SPDYE3: variants seen among roughly 807,000 people sequenced by gnomAD.
The protein encoded by SPDYE3 is speedy/RINGO cell cycle regulator family member E3.
In SPDYE3, 15 loss-of-function variants were observed where a neutral mutation model predicts 55.0. The ratio of observed to expected loss-of-function variants is 0.27; its 90% CI spans 0.18 to 0.42. The LOEUF (loss-of-function observed/expected upper bound fraction) is 0.42, where lower values mean the gene tolerates loss of function less well. Ranked by LOEUF, SPDYE3 falls within the 10% of genes least tolerant of loss-of-function variation. SPDYE3 has a pLI of 1.00. For synonymous variants in SPDYE3, 89 were observed against 229.9 expected (o/e 0.39, Z 5.55); for missense variants, 236 against 576.7 (o/e 0.41, Z 6.05).
intron 1 of SPDYE3, among the ~76,000 whole-genome samples, chr7:100,308,664 G>A (rs1463938360): frequency 1.3e-5 from 2 of 151,454 alleles, no homozygotes; most frequent in Admixed American, 6.6e-5. Flanking sequence ...AGCTGAGATT[G>A]TACCACTACA....
chr7:100,319,533 C>T, intron 8 of SPDYE3, 32 bp from the exon 9 acceptor site: 3 of 1,613,836 alleles, frequency 1.9e-6, no homozygotes, highest in Middle Eastern at 1.7e-4. Context: ...CCTGGTGGTG[C>T]CCCTGAGCAG....
At position 100,320,834 on chromosome 7, in the gene SPDYE3, C is replaced by T; in HGVS notation, c.*46-57C>T. 3 of 1,144,658 alleles carry T rather than the reference C, an allele frequency of 2.6e-6. No homozygotes were observed. In the Admixed American group the frequency reaches 8.2e-5, roughly 31 times the overall value. The allele number at this position is 1,144,658 out of a possible 1,614,324, so 70.9% of individuals were successfully genotyped here. A position where few individuals can be genotyped will look rare whatever the true frequency, so the allele number is the denominator to read the frequency against. ...TAGACTTGACATGGGACGTGAATAA[C>T]CTTCCTGTCTAGAGAGCTGTCTCCT... On this transcript the variant is annotated intron_variant, in intron 10 of 10. Transcript: ENST00000332397.
chr7:100,311,754 TG>T lies in SPDYE3; in HGVS notation c.553del (p.Val185Ter). On this transcript the variant is annotated frameshift_variant, in exon 4 of 11. Transcript: ENST00000332397. LOFTEE classifies it high-confidence loss of function. ...YEAFNRLLAP[G>X]VDPSPPRRSL... Reference sequence around the variant, plus strand: ...TGGCCTGGTTTCTTTACTCAGCCCCTGGGGTAGATCCCAGCCCCCCACGTAG... The same window carrying T: ...TGGCCTGGTTTCTTTACTCAGCCCCTGGGTAGATCCCAGCCCCCCACGTAG... 7.8e-7 allele frequency: 1 copy of T among 1,277,704 alleles called. No homozygotes were observed. The highest frequency in any genetic ancestry group is 1.1e-6 in the Non-Finnish European group (1 of 925,612). The allele number at this position is 1,277,704 out of a possible 1,614,324, so 79.1% of individuals were successfully genotyped here.
chr7:100,307,825 G>A lies in SPDYE3; in HGVS notation c.-61G>A. The A allele has an allele frequency of 3.3e-6, 5 of 1,529,062 alleles. No homozygotes were observed. Among genetic ancestry groups the A allele is most frequent in the Non-Finnish European group, 4.4e-6 (5 of 1,142,546 alleles). 94.7% of individuals were successfully genotyped at this position (1,529,062 alleles called of 1,614,324 possible). On this transcript the variant is annotated 5_prime_UTR_variant, in exon 1 of 11. Coordinates refer to ENST00000332397, the MANE Select transcript of SPDYE3 (RefSeq NM_001004351.5). ...TTCTGGATCCCAGCAGTGTCCAGAA[G>A]AAGACCAAGGACAGAACAGAGACTA...
intron 7 of SPDYE3, 26 bp downstream of exon 7, chr7:100,315,869 G>T: frequency 6.3e-7 from 1 of 1,599,374 alleles, no homozygotes; most frequent in Non-Finnish European, 8.5e-7. Context: ...ATGTAACTGT[G>T]TTCCTGTTCT....
At chr7:100,316,008 G>C (rs2129970906) in intron 7 of SPDYE3, among the ~76,000 whole-genome samples, 165 bp downstream of exon 7, 1 of 151,960 alleles carries the variant, frequency 6.6e-6, no homozygotes, top group South Asian at 2.1e-4. Context: ...GTCTTGCTCT[G>C]TTGCCCAGGC....
At chr7:100,312,332 C>A (rs374717181) in intron 4 of SPDYE3, among the ~76,000 whole-genome samples, 2 of 148,220 alleles carry the variant, frequency 1.3e-5, no homozygotes, top group Non-Finnish European at 1.5e-5. Flanking sequence ...CAAAACTCTG[C>A]GTCAAAAGAA....
At chr7:100,320,574 C>T in intron 10 of SPDYE3, 2 of 984,302 alleles carry the variant, frequency 2.0e-6, no homozygotes, top group Non-Finnish European at 2.6e-6. Context: ...ACAAAAGACC[C>T]TAGCTGTGAT....
chr7:100,312,832 C>T (rs1269461060), intron 4 of SPDYE3, among the ~76,000 whole-genome samples: 37 of 142,572 alleles, frequency 2.6e-4, no homozygotes, highest in Non-Finnish European at 4.5e-4. Flanking sequence ...GCTGAGATTG[C>T]ACCACTACAC....
Position 100,321,620 on chromosome 7 carries a change from T to C in SPDYE3, c.*775T>C, listed in dbSNP as rs886801389. On this transcript the variant is annotated 3_prime_UTR_variant, in exon 11 of 11. Transcript: ENST00000332397. ...CTTCCATAATAATCTCTTCTATTTA[T>C]AGCTATTGGTAGTTCCCCCAAATTC... 1.3e-5 allele frequency: 2 copies of C among 151,852 alleles called. No homozygotes were observed. Among genetic ancestry groups the C allele is most frequent in the Admixed American group, 6.6e-5 (1 of 15,258 alleles). 9.4% of individuals were successfully genotyped at this position (151,852 alleles called of 1,614,324 possible). A position where few individuals can be genotyped will look rare whatever the true frequency, so the allele number is the denominator to read the frequency against.
At chr7:100,320,206 T>A (rs978267238) in intron 10 of SPDYE3, 171 bp downstream of exon 10, 6 of 1,350,038 alleles carry the variant, frequency 4.4e-6, no homozygotes, top group Non-Finnish European at 5.9e-6. Flanking sequence ...TACTCCCAAC[T>A]ACTCAAGAGG....
Position 100,319,773 on chromosome 7 carries a change from T to C in SPDYE3, c.1555T>C (p.Cys519Arg), listed in dbSNP as rs754797039. 6.3e-7 allele frequency: 1 copy of C among 1,595,860 alleles called. No individual in the cohort carries two copies. The highest frequency in any genetic ancestry group is 1.1e-5 in the South Asian group (1 of 90,788). The change falls in exon 9 of 11, where the codon TGC becomes CGC. Residue 519 changes from cysteine (C) to arginine (R), a missense_variant. By Grantham distance (180) the Cys-to-Arg change is radical. Coordinates refer to ENST00000332397, the MANE Select transcript of SPDYE3 (RefSeq NM_001004351.5). Reference sequence around the variant, plus strand: ...GTTCCAGTTCTTCTGTTCCATGCGCTGCAGGGCTTGGGTTTCCCCGGAGGA... The same window carrying C: ...GTTCCAGTTCTTCTGTTCCATGCGCCGCAGGGCTTGGGTTTCCCCGGAGGA... Reference protein sequence around the residue: ...RRFQFFCSMRCRAWVSPEELE... With the variant: ...RRFQFFCSMRRRAWVSPEELE...
At chr7:100,320,193 C>T (rs1261953358) in intron 10 of SPDYE3, 158 bp downstream of exon 10, 2 of 1,406,086 alleles carry the variant, frequency 1.4e-6, no homozygotes, top group East Asian at 2.5e-5. Context: ...TGGGAGGCAT[C>T]TCTACTCCCA....
rs1217294578 is a variant in SPDYE3, at chr7:100,319,675, T to C, written c.1457T>C (p.Phe486Ser). 3 of 1,614,106 alleles carry C rather than the reference T, an allele frequency of 1.9e-6. No homozygotes were observed. The highest frequency in any genetic ancestry group is 2.5e-6 in the Non-Finnish European group (3 of 1,180,052). The change falls in exon 9 of 11, where the codon TTC (phenylalanine) becomes TCC (serine). Residue 486 changes from phenylalanine to serine, a missense_variant. By Grantham distance (155) the Phe-to-Ser change is radical (BLOSUM62 -2). Transcript: ENST00000332397. ...ATACCCTTGCGCCCTAAGCATTGGT[T>C]CCAGTTATGCCGTCCCATGAACCCG... is the stretch of plus-strand genomic sequence containing the variant. Reference protein sequence around the residue: ...SHIPLRPKHWFQLCRPMNPRA... With the variant: ...SHIPLRPKHWSQLCRPMNPRA...
chr7:100,308,090 G>A, intron 1 of SPDYE3, 99 bp downstream of exon 1: 2 of 1,392,204 alleles, frequency 1.4e-6, no homozygotes, highest in Middle Eastern at 2.8e-4. Flanking sequence ...AACACTTTGG[G>A]AGGCCGAGGC....
intron 8 of SPDYE3, among the ~76,000 whole-genome samples, chr7:100,318,588 A>G (rs572008864): frequency 6.6e-6 from 1 of 152,126 alleles, no homozygotes; most frequent in African/African-American, 2.4e-5. Context: ...CAACTTCTGC[A>G]TGCCCGTAGC....
intron 1 of SPDYE3, among the ~76,000 whole-genome samples, chr7:100,308,477 G>C (rs1487801747): frequency 6.6e-6 from 1 of 151,898 alleles, no homozygotes; most frequent in Admixed American, 6.6e-5. Flanking sequence ...GGGAAGCCAA[G>C]GCAGGCGGAT....
Position 100,307,932 on chromosome 7 carries a change from G to A in SPDYE3, c.47G>A (p.Arg16Gln), listed in dbSNP as rs771045396. The A allele has an allele frequency of 2.9e-5, 46 of 1,583,606 alleles. No individual in the cohort carries two copies. The highest frequency in any genetic ancestry group is 3.8e-5 in the Non-Finnish European group (45 of 1,173,292). ...PQPQEEQSPQ[R>Q]STSGYPLQEV... Reference sequence around the variant, plus strand: ...CCCCAGGAAGAGCAGAGCCCCCAGCGGAGCACCTCAGGGTACCCCCTCCAG... The same window carrying A: ...CCCCAGGAAGAGCAGAGCCCCCAGCAGAGCACCTCAGGGTACCCCCTCCAG... Residue 16 changes from arginine (R) to glutamine (Q), a missense_variant, in exon 1 of 11, where the codon CGG becomes CAG. Arg to Gln is a conservative substitution (Grantham distance 43). Coordinates refer to ENST00000332397, the MANE Select transcript of SPDYE3 (RefSeq NM_001004351.5).
At chr7:100,317,937 C>T (rs1050580573) in intron 8 of SPDYE3, among the ~76,000 whole-genome samples, 1 of 143,568 alleles carries the variant, frequency 7.0e-6, no homozygotes, top group Non-Finnish European at 1.5e-5. Context: ...GATTGCACCA[C>T]TGCACTCCAG....
Sources: gnomAD v4.1 joint callset for allele counts (sites outside exome capture counted in the v4.1 genomes callset) on GRCh38, gnomAD v4.1.1 for gene constraint, MANE v1.5 for transcripts, NCBI Gene and HGNC (gene_info 2026-07-23, HGNC 2026-07-21) for gene names.